Variants in CHD5 observed in about 807,000 individuals in gnomAD.
CHD5 encodes ATP-dependent chromatin remodeler CHD5.
CHD5 carries 69 observed loss-of-function variants against 230.3 expected under a neutral mutation model. The ratio of observed to expected loss-of-function variants is 0.30; its 90% CI spans 0.25 to 0.37. The LOEUF is 0.37. Ranked by LOEUF, CHD5 falls within the 10% of genes least tolerant of loss-of-function variation. CHD5 has a pLI of 1.00. For synonymous variants in CHD5, 1,064 were observed against 1,065.9 expected, an observed-to-expected ratio of 1.00 and a Z score of 0.03; for missense variants, 1,827 against 2,622.8, an observed-to-expected ratio of 0.70 and a Z score of 6.63.
chr1:6,146,506 G>A lies in CHD5; in HGVS notation c.1591-83C>T. ...TCCCTACCCAGCTCCTCTAGCCCCA[G>A]CCCAGGTCCCAGGCAGGACAATCCT... On this transcript the variant is annotated intron_variant, in intron 10 of 41. Coordinates refer to ENST00000262450, the MANE Select transcript of CHD5 (RefSeq NM_015557.3). This position sits in a 1 kb window ranked among gnomAD's most constrained non-coding sequence, Gnocchi z 5.1. 6.8e-7 allele frequency: 1 copy of A among 1,460,622 alleles called. No individual in the cohort carries two copies. Among genetic ancestry groups the A allele is most frequent in the Non-Finnish European group, 9.5e-7 (1 of 1,052,112 alleles). The allele number at this position is 1,460,622 out of a possible 1,614,324, so 90.5% of individuals were successfully genotyped here. A position where few individuals can be genotyped will look rare whatever the true frequency, so the allele number is the denominator to read the frequency against.
intron 2 of CHD5, among the ~76,000 whole-genome samples, chr1:6,159,951 T>G (rs1667140888): frequency 6.6e-6 from 1 of 152,034 alleles, no homozygotes. Flanking sequence ...GTGGAGGATG[T>G]GGTCCCAGAG....
At chr1:6,178,764 G>A (rs1257806031) in intron 1 of CHD5, among the ~76,000 whole-genome samples, 2 of 152,132 alleles carry the variant, frequency 1.3e-5, no homozygotes, top group Admixed American at 1.3e-4. Context: ...GCAAACAGAA[G>A]GGGGCAGGGG....
At chr1:6,151,982 A>G (rs10864394) in intron 6 of CHD5, among the ~76,000 whole-genome samples, 63,490 of 151,876 alleles carry the variant, frequency 0.42, 15,680 homozygotes, top group East Asian at 0.67. Flanking sequence ...GCCTGATCCT[A>G]CCCACATACC....
chr1:6,134,609 C>G lies in CHD5; in HGVS notation c.3012+109G>C. 2.5e-6 allele frequency: 3 copies of G among 1,212,158 alleles called. No homozygotes were observed. The highest frequency in any genetic ancestry group is 3.6e-6 in the Non-Finnish European group (3 of 831,800). The allele number at this position is 1,212,158 out of a possible 1,614,324, so 75.1% of individuals were successfully genotyped here. ...ACCATGACAGCCACAGAAATCGCCA[C>G]AATGGCCAGGAGAACCTATCACAGC... On this transcript the variant is annotated intron_variant, in intron 19 of 41. Transcript: ENST00000262450. This position sits in a 1 kb window ranked among gnomAD's most constrained non-coding sequence, Gnocchi z 6.3.
Position 6,121,544 on chromosome 1 carries a change from C to T in CHD5, c.4729G>A (p.Asp1577Asn). 1 of 1,613,112 alleles carries T rather than the reference C, an allele frequency of 6.2e-7. No homozygotes were observed. The highest frequency in any genetic ancestry group is 8.5e-7 in the Non-Finnish European group (1 of 1,179,586). ...TTCTGTGCCCCGGGGTCTTTCTCAT[C>T]CATGTAGCCCAGCTGGGCTTCCATT... ...DKMEAQLGYM[D>N]EKDPGAQKPR... The change falls in exon 32 of 42, where the codon GAT becomes AAT. Residue 1577 changes from aspartate to asparagine, a missense_variant. Physicochemically the swap from Asp to Asn is conservative, Grantham distance 23. Around this residue, in one of 14 missense-constraint regions of CHD5, gnomAD observed 272 missense variants for 263.2 expected, o/e 1.03. Transcript: ENST00000262450. This position sits in a 1 kb window ranked among gnomAD's most constrained non-coding sequence, Gnocchi z 4.5.
In CHD5 at chr1:6,143,905, C is replaced by T. The variant is rs1333432502; in HGVS notation, c.1961G>A (p.Arg654Lys). Reference protein sequence around the residue: ...HRELMLGEDTRLPKRLLKKGK... With the variant: ...HRELMLGEDTKLPKRLLKKGK... ...CTTCTTGAGCAGCCTCTTGGGCAGC[C>T]TGGTGTCTTCTCCCAGCATCAGCTC... is the stretch of plus-strand genomic sequence containing the variant. Residue 654 changes from arginine (R) to lysine (K), a missense_variant, in exon 13 of 42, where the codon AGG (arginine) becomes AAG (lysine). By Grantham distance (26) the Arg-to-Lys change is conservative. This residue lies in a region of CHD5 where 657 missense variants were observed against 816.4 expected (regional missense o/e 0.80). Transcript: ENST00000262450. 6.2e-7 allele frequency: 1 copy of T among 1,613,928 alleles called. No homozygotes were observed. The highest frequency in any genetic ancestry group is 8.5e-7 in the Non-Finnish European group (1 of 1,180,036).
chr1:6,162,152 C>T (rs1019241473), intron 2 of CHD5, among the ~76,000 whole-genome samples: 4 of 152,000 alleles, frequency 2.6e-5, no homozygotes, highest in African/African-American at 9.7e-5. Context: ...GAGGCCGAGG[C>T]GGGCAGATCA....
rs891142460 is a variant in CHD5, at chr1:6,134,988, G to A, written c.2871-129C>T. On this transcript the variant is annotated intron_variant, in intron 18 of 41. Transcript: ENST00000262450. This position sits in a 1 kb window ranked among gnomAD's most constrained non-coding sequence, Gnocchi z 6.3. ...ACAGAGAGACCCAAGGGACCCCCAA[G>A]AGGTGAAGCCACCGGCCTGGAGTCC... The A allele has an allele frequency of 2.5e-5, 31 of 1,246,338 alleles. No individual in the cohort carries two copies. The highest frequency in any genetic ancestry group is 4.5e-5 in the African/African-American group (3 of 66,458). The allele number at this position is 1,246,338 out of a possible 1,614,324, so 77.2% of individuals were successfully genotyped here. A position where few individuals can be genotyped will look rare whatever the true frequency, so the allele number is the denominator to read the frequency against.
intron 2 of CHD5, among the ~76,000 whole-genome samples, chr1:6,162,614 G>A (rs773121105): frequency 2.6e-5 from 4 of 152,068 alleles, no homozygotes; most frequent in African/African-American, 7.2e-5. Flanking sequence ...ACACCACCAC[G>A]ACCACATGTA....
rs1666640693 is a variant in CHD5, at chr1:6,130,675, C to A, written c.3263-347G>T. ...GAGAGCTCAGAGTCCTTCATGTCCC[C>A]GCAGCTTCCCACCCCTGGCTTCCCT... On this transcript the variant is annotated intron_variant, in intron 21 of 41. Coordinates refer to ENST00000262450, the MANE Select transcript of CHD5 (RefSeq NM_015557.3). This position sits in a 1 kb window ranked among gnomAD's most constrained non-coding sequence, Gnocchi z 4.9. 6.6e-6 allele frequency among the ~76,000 whole-genome samples: 1 copy of A among 152,182 alleles called. No individual in the cohort carries two copies. The highest frequency in any genetic ancestry group is 1.9e-4 in the East Asian group (1 of 5,188).
In CHD5 at chr1:6,149,006, C is replaced by T. The variant is rs1238826843; in HGVS notation, c.1231G>A (p.Glu411Lys). The T allele has an allele frequency of 3.7e-6, 6 of 1,606,782 alleles. No homozygotes were observed. Among genetic ancestry groups the T allele is most frequent in the Non-Finnish European group, 5.1e-6 (6 of 1,177,006 alleles). The change falls in exon 9 of 42, where the codon GAG (glutamate) becomes AAG (lysine). Residue 411 changes from glutamate to lysine, a missense_variant. Glu to Lys is a moderately conservative substitution (Grantham distance 56). This residue lies in a region of CHD5 where 657 missense variants were observed against 816.4 expected (regional missense o/e 0.80). Transcript: ENST00000262450. ...DEEEEGGCEE[E>K]EDDHMEFCRV... ...CAGAACTCCATGTGGTCGTCCTCCT[C>T]CTCCTCGCAGCCGCCCTCCTCCTCT...
At chr1:6,153,222 C>T (rs1234561356) in intron 5 of CHD5, among the ~76,000 whole-genome samples, 2 of 152,220 alleles carry the variant, frequency 1.3e-5, no homozygotes, top group African/African-American at 4.8e-5. Context: ...CATGGCGCCG[C>T]GGAAAATCTA....
rs147012230 is a variant in CHD5 at position 6,117,566 on chromosome 1, T to C, written c.4912+3539A>G. On this transcript the variant is annotated intron_variant, in intron 33 of 41. Transcript: ENST00000262450. ...GTCTCTAAAAGTATTGATTAATTAA[T>C]TTAAAAAGAACTCTTACAATTCAAT... Among the ~76,000 whole-genome samples, 368 of 152,250 alleles carry C rather than the reference T, an allele frequency of 2.4e-3. 3 individuals are homozygous for C. Among genetic ancestry groups the C allele is most frequent in the Non-Finnish European group, 3.6e-3 (247 of 68,008 alleles).
At chr1:6,148,797 G>A in intron 9 of CHD5, 57 bp downstream of exon 9, 1 of 1,394,462 alleles carries the variant, frequency 7.2e-7, no homozygotes, top group Non-Finnish European at 9.4e-7. Context: ...CCCTGGGGGC[G>A]GGGCCTGTTC....
chr1:6,135,470 C>T (rs912733960), intron 17 of CHD5, 67 bp from the exon 18 acceptor site: 19 of 1,448,324 alleles, frequency 1.3e-5, no homozygotes, highest in South Asian at 6.6e-5. Context: ...GGGTGCAGAG[C>T]GCCTAGCCCA....
In CHD5 at chr1:6,142,345, A is replaced by G. The variant is rs1241699037; in HGVS notation, c.2236-17T>C. ...GGAGTGGCCCTGGAGAGAGAGGCCGATGCCGTGAGACCACCTGCCCTTGGC... is the reference window on the plus strand; with the variant it reads ...GGAGTGGCCCTGGAGAGAGAGGCCGGTGCCGTGAGACCACCTGCCCTTGGC... On this transcript the variant is annotated splice_polypyrimidine_tract_variant and intron_variant, in intron 14 of 41. Transcript: ENST00000262450. The surrounding 1 kb of genome is among the most constrained non-coding windows in gnomAD (Gnocchi z 5.2). 2 of 1,597,754 alleles carry G rather than the reference A, an allele frequency of 1.3e-6. No homozygotes were observed. The highest frequency in any genetic ancestry group is 3.4e-5 in the Admixed American group (2 of 59,462).
chr1:6,125,061 C>T lies in CHD5; in HGVS notation c.4394+39G>A, dbSNP rs1312347600. On this transcript the variant is annotated intron_variant, in intron 29 of 41. Coordinates refer to ENST00000262450, the MANE Select transcript of CHD5 (RefSeq NM_015557.3). The surrounding 1 kb of genome is among the most constrained non-coding windows in gnomAD (Gnocchi z 6.7). ...CGCAGGACCCTGCCCTACTCAGGGG[C>T]AGGTGGTCACACCCTGGGCCACCAC... 6.6e-7 allele frequency: 1 copy of T among 1,515,078 alleles called. No homozygotes were observed. Among genetic ancestry groups the T allele is most frequent in the South Asian group, 1.3e-5 (1 of 79,090 alleles). 93.9% of individuals were successfully genotyped at this position (1,515,078 alleles called of 1,614,324 possible). A position where few individuals can be genotyped will look rare whatever the true frequency, so the allele number is the denominator to read the frequency against.
At chr1:6,150,367 AGGATGGAT>A (rs373764965) in intron 7 of CHD5, among the ~76,000 whole-genome samples, 2,500 of 116,070 alleles carry the variant, frequency 0.022, 73 homozygotes, top group African/African-American at 0.076. Context: ...GATGGACAAA[AGGATGGAT>A]GGATGGATGG....
rs1666155983 is a variant in CHD5 at position 6,105,934 on chromosome 1, T to C, written c.*46+300A>G. The stretch of plus-strand genomic sequence containing the variant: ...CAGTCTCTGACTTCCGCTGGGAACA[T>C]GTGTGCAAATGAGAACACATGTGCA... On this transcript the variant is annotated intron_variant, in intron 41 of 41. Coordinates refer to ENST00000262450, the MANE Select transcript of CHD5 (RefSeq NM_015557.3). The surrounding 1 kb of genome is among the most constrained non-coding windows in gnomAD (Gnocchi z 4.8). Among the ~76,000 whole-genome samples, 2 of 152,074 alleles carry C rather than the reference T, an allele frequency of 1.3e-5. No individual in the cohort carries two copies. Among genetic ancestry groups the C allele is most frequent in the South Asian group, 4.1e-4 (2 of 4,820 alleles).
Sources: allele counts gnomAD v4.1 joint callset (sites outside exome capture counted in the v4.1 genomes callset), GRCh38; gene constraint gnomAD v4.1.1; regional missense constraint gnomAD v4.1.1; non-coding constraint Gnocchi (gnomAD v3.1); transcripts MANE v1.5; gene names NCBI Gene and HGNC (gene_info 2026-07-23, HGNC 2026-07-21).